The following PGAP1 variants were observed in gnomAD, a reference collection of about 807,000 sequenced individuals.
The protein encoded by PGAP1 is GPI inositol-deacylase.
PGAP1 carries 76 observed loss-of-function variants against 127.0 expected under a neutral mutation model. That is an observed-to-expected ratio of 0.60 (90% CI 0.50 to 0.72). The LOEUF (loss-of-function observed/expected upper bound fraction) is 0.72, where lower values mean the gene tolerates loss of function less well. PGAP1 is among the 30% of genes least tolerant of loss of function. The probability of loss-of-function intolerance (pLI) is 0.00; values close to 1 mark genes in which losing one functional copy is unlikely to be tolerated. For synonymous variants in PGAP1, 362 were observed against 366.5 expected, an observed-to-expected ratio of 0.99 and a Z score of 0.14; for missense variants, 982 against 1,071.3, an observed-to-expected ratio of 0.92 and a Z score of 1.16.
chr2:196,856,454 C>A (rs1700886212), intron 20 of PGAP1, among the ~76,000 whole-genome samples: 1 of 152,202 alleles, frequency 6.6e-6, no homozygotes, highest in African/African-American at 2.4e-5. Flanking sequence ...ATAGACTATA[C>A]TACTTGATAA....
chr2:196,887,809 T>C (rs1424214520), intron 10 of PGAP1, among the ~76,000 whole-genome samples: 1 of 152,226 alleles, frequency 6.6e-6, no homozygotes, highest in East Asian at 1.9e-4. Flanking sequence ...AAAATACTTG[T>C]GTGAGTCCTG....
In PGAP1 at chr2:196,885,827, GACTT is replaced by G; in HGVS notation, c.1220+3_1220+6del. On this transcript the variant is annotated splice_donor_5th_base_variant and intron_variant, in intron 11 of 26. Coordinates refer to ENST00000354764, the MANE Select transcript of PGAP1 (RefSeq NM_024989.4). ...GAGATAAATGAACATGCATTCAAAAGACTTACCACATAGAAGTGCTGTTTATGCA... is the reference window on the plus strand; with the variant it reads ...GAGATAAATGAACATGCATTCAAAAGACCACATAGAAGTGCTGTTTATGCA... 7.1e-7 allele frequency: 1 copy of G among 1,404,580 alleles called. No homozygotes were observed. 87.0% of individuals were successfully genotyped at this position (1,404,580 alleles called of 1,614,324 possible). A position where few individuals can be genotyped will look rare whatever the true frequency, so the allele number is the denominator to read the frequency against.
At chr2:196,858,770 AG>A (rs1700972593) in intron 20 of PGAP1, among the ~76,000 whole-genome samples, 1 of 152,150 alleles carries the variant, frequency 6.6e-6, no homozygotes, top group Non-Finnish European at 1.5e-5. Context: ...CAAAATAAAA[AG>A]TTGCTTTTTT....
chr2:196,874,116 A>T (rs570855438), intron 14 of PGAP1, among the ~76,000 whole-genome samples: 39 of 152,228 alleles, frequency 2.6e-4, no homozygotes, highest in African/African-American at 8.7e-4. Context: ...GTACCAAAAC[A>T]AAGGGTAGGG....
intron 4 of PGAP1, among the ~76,000 whole-genome samples, chr2:196,903,693 ATGC>A (rs1410317272): frequency 5.3e-5 from 8 of 152,186 alleles, no homozygotes; most frequent in Admixed American, 4.6e-4. Flanking sequence ...TCTTAGGACT[ATGC>A]TGCTGCTGTG....
intron 10 of PGAP1, among the ~76,000 whole-genome samples, chr2:196,887,988 C>T (rs1701972647): frequency 6.6e-6 from 1 of 152,134 alleles, no homozygotes; most frequent in African/African-American, 2.4e-5. Context: ...TCAAAGGTAA[C>T]CCTCATTATG....
rs1701697867 is a variant in PGAP1 at position 196,880,550 on chromosome 2, C to G, written c.1273-397G>C. Among the ~76,000 whole-genome samples, 5 of 151,996 alleles carry G rather than the reference C, an allele frequency of 3.3e-5. No homozygotes were observed. In the South Asian group the frequency reaches 1.0e-3, roughly 32 times the overall value. ...TTGGTAGTATATAACACAAAACATTCAATAGCTGATGAATGAATAAATGCT... is the reference window on the plus strand; with the variant it reads ...TTGGTAGTATATAACACAAAACATTGAATAGCTGATGAATGAATAAATGCT... On this transcript the variant is annotated intron_variant, in intron 12 of 26. Coordinates refer to ENST00000354764, the MANE Select transcript of PGAP1 (RefSeq NM_024989.4).
rs1286045335 is a variant in PGAP1 at position 196,834,550 on chromosome 2, A to G, written c.*6684T>C. On this transcript the variant is annotated 3_prime_UTR_variant, in exon 27 of 27. Coordinates refer to ENST00000354764, the MANE Select transcript of PGAP1 (RefSeq NM_024989.4). Reference sequence around the variant, plus strand: ...TCTGGTTTCTCATGGGTATGTTGTTATATTTATAGCCAGTCATAAGCTTCA... The same window carrying G: ...TCTGGTTTCTCATGGGTATGTTGTTGTATTTATAGCCAGTCATAAGCTTCA... The G allele has an allele frequency of 2.0e-5, 3 of 152,474 alleles. No individual in the cohort carries two copies. The highest frequency in any genetic ancestry group is 6.5e-5 in the Admixed American group (1 of 15,276). The allele number at this position is 152,474 out of a possible 1,614,324, so 9.4% of individuals were successfully genotyped here. A position where few individuals can be genotyped will look rare whatever the true frequency, so the allele number is the denominator to read the frequency against.
intron 12 of PGAP1, among the ~76,000 whole-genome samples, chr2:196,883,698 C>T (rs1366692957): frequency 6.6e-6 from 1 of 152,118 alleles, no homozygotes; most frequent in Non-Finnish European, 1.5e-5. Context: ...TGATATAATT[C>T]TCATCTGACA....
intron 20 of PGAP1, among the ~76,000 whole-genome samples, chr2:196,861,041 C>T (rs1467315903): frequency 2.0e-5 from 3 of 152,044 alleles, no homozygotes; most frequent in African/African-American, 7.2e-5. Context: ...TCATTTACAG[C>T]CAGCTAATTT....
intron 20 of PGAP1, among the ~76,000 whole-genome samples, chr2:196,853,309 T>C (rs1264903872): frequency 6.6e-6 from 1 of 152,282 alleles, no homozygotes; most frequent in Non-Finnish European, 1.5e-5. Context: ...GAAATCTTCA[T>C]CTAGAAAAAC....
chr2:196,904,327 C>T (rs1283383292), intron 4 of PGAP1, among the ~76,000 whole-genome samples: 3 of 152,070 alleles, frequency 2.0e-5, no homozygotes, highest in Admixed American at 6.6e-5. Context: ...CTTTCAGCAG[C>T]GCTATGCTTG....
rs1180097808 is a variant in PGAP1, at chr2:196,865,045, A to T, written c.1803T>A (p.Tyr601Ter). 6.4e-7 allele frequency: 1 copy of T among 1,572,380 alleles called. No individual in the cohort carries two copies. ...AAGCAAGAAGGATATTAGATACGAC[A>T]TAAGCAGGAAGAGCTCCACCATGAA... ...VRFHGGALPA[Y>*]VVSNILLAYR... Residue 601 changes from tyrosine to a stop codon, truncating the protein, a stop_gained, in exon 20 of 27, where the codon TAT (tyrosine) becomes TAA (stop). Coordinates refer to ENST00000354764, the MANE Select transcript of PGAP1 (RefSeq NM_024989.4). LOFTEE classifies it high-confidence loss of function.
chr2:196,872,823 T>C (rs923552382), intron 17 of PGAP1, 137 bp downstream of exon 17: 2 of 573,518 alleles, frequency 3.5e-6, no homozygotes, highest in Non-Finnish European at 3.1e-6. Context: ...TATTAAATTA[T>C]AGGAACAATG....
intron 20 of PGAP1, among the ~76,000 whole-genome samples, chr2:196,862,722 C>T (rs1429401930): frequency 6.6e-6 from 1 of 152,186 alleles, no homozygotes; most frequent in Non-Finnish European, 1.5e-5. Context: ...ACCTACGTGA[C>T]TATCGGGGCA....
intron 14 of PGAP1, 52 bp downstream of exon 14, chr2:196,875,694 C>T (rs1701543484): frequency 3.0e-6 from 3 of 983,922 alleles, no homozygotes; most frequent in Non-Finnish European, 4.8e-6. Flanking sequence ...TTTACTGCAA[C>T]TCTGTTAAAA....
chr2:196,913,189 C>T (rs769773276), intron 3 of PGAP1, 136 bp from the exon 4 acceptor site: 6 of 760,196 alleles, frequency 7.9e-6, no homozygotes, highest in African/African-American at 1.8e-5. Context: ...TCATAAGGTA[C>T]AGAAATACAT....
intron 20 of PGAP1, among the ~76,000 whole-genome samples, chr2:196,863,857 G>A (rs546331009): frequency 4.9e-4 from 75 of 152,152 alleles, no homozygotes; most frequent in African/African-American, 1.7e-3. Flanking sequence ...GGGATTACAG[G>A]CATGAGCCAG....
intron 12 of PGAP1, among the ~76,000 whole-genome samples, chr2:196,881,612 A>G (rs1701735809): frequency 6.6e-6 from 1 of 152,138 alleles, no homozygotes; most frequent in Non-Finnish European, 1.5e-5. Context: ...CATTTCTCTA[A>G]TGGTCAGTGA....
Sources: gnomAD v4.1 joint callset for allele counts (sites outside exome capture counted in the v4.1 genomes callset) on GRCh38, gnomAD v4.1.1 for gene constraint, MANE v1.5 for transcripts, NCBI Gene and HGNC (gene_info 2026-07-23, HGNC 2026-07-21) for gene names.